IGFBP7: variants seen among roughly 807,000 people sequenced by gnomAD.
The protein encoded by IGFBP7 is insulin-like growth factor-binding protein 7.
A neutral mutation model predicts 29.4 loss-of-function variants in IGFBP7; 31 were observed. That is an observed-to-expected ratio of 1.05 (90% CI 0.79 to 1.42). IGFBP7 has a LOEUF of 1.42. Among genes scored for constraint, IGFBP7 ranks in the 40% most tolerant of loss-of-function variants. IGFBP7 has a pLI of 0.00. For synonymous variants in IGFBP7, 172 were observed against 174.9 expected (o/e 0.98, Z 0.13); for missense variants, 393 against 395.5 (o/e 0.99, Z 0.05).
At position 57,109,869 on chromosome 4, in the gene IGFBP7, G is replaced by C; in HGVS notation, c.475+8C>G. On this transcript the variant is annotated splice_region_variant and intron_variant, in intron 1 of 4. Coordinates refer to ENST00000295666, the MANE Select transcript of IGFBP7 (RefSeq NM_001553.3). ...CGCAGGGTTGGAGAGGGAAGCGCTC[G>C]TGCCCACCTTGCTCGCAGGTGCCCT... 6.5e-7 allele frequency: 1 copy of C among 1,538,188 alleles called. No homozygotes were observed. The highest frequency in any genetic ancestry group is 8.7e-7 in the Non-Finnish European group (1 of 1,148,102).
chr4:57,032,450 AGG>A lies in IGFBP7; in HGVS notation c.803_804del (p.Ala268ValfsTer3). ...SASAKITVVD[A>X]LHEIPVKKGE... The stretch of plus-strand genomic sequence containing the variant: ...CCTTTTTTCACTGGTATTTCATGTA[AGG>A]CATCAACCACTGTAATTTTTGCTGA... On this transcript the variant is annotated frameshift_variant, in exon 4 of 5. Transcript: ENST00000295666. LOFTEE classifies it high-confidence loss of function. 1 of 1,613,692 alleles carries A rather than the reference AGG, an allele frequency of 6.2e-7. No individual in the cohort carries two copies. The highest frequency in any genetic ancestry group is 8.5e-7 in the Non-Finnish European group (1 of 1,179,594).
In IGFBP7 at chr4:57,030,970, G is replaced by A. The variant is rs546899344; in HGVS notation, c.*347C>T. On this transcript the variant is annotated 3_prime_UTR_variant, in exon 5 of 5. Transcript: ENST00000295666. The stretch of plus-strand genomic sequence containing the variant: ...AACTTATGTCTATGAGTATTGCACC[G>A]CGAATGATGAGTGTTTAGCTATTTT... The A allele has an allele frequency of 1.8e-5, 29 of 1,588,066 alleles. No individual in the cohort carries two copies. The highest frequency in any genetic ancestry group is 5.4e-5 in the African/African-American group (4 of 74,566).
intron 1 of IGFBP7, among the ~76,000 whole-genome samples, chr4:57,062,168 T>C (rs1371200933): frequency 6.6e-6 from 1 of 152,164 alleles, no homozygotes; most frequent in African/African-American, 2.4e-5. Flanking sequence ...GCTACCGTGA[T>C]ACCTGTCTAC....
chr4:57,046,633 C>A (rs1306002529), intron 1 of IGFBP7, among the ~76,000 whole-genome samples: 1 of 152,064 alleles, frequency 6.6e-6, no homozygotes, highest in Admixed American at 6.6e-5. Context: ...AGGATAGGTC[C>A]AATTATTTAT....
chr4:57,058,578 A>G (rs777030066), intron 1 of IGFBP7, among the ~76,000 whole-genome samples: 5 of 152,224 alleles, frequency 3.3e-5, no homozygotes, highest in African/African-American at 4.8e-5. Flanking sequence ...CCTTCCTTAC[A>G]CCATATGAAA....
chr4:57,079,776 C>G (rs1725318884), intron 1 of IGFBP7, among the ~76,000 whole-genome samples: 1 of 152,172 alleles, frequency 6.6e-6, no homozygotes, highest in Non-Finnish European at 1.5e-5. Context: ...TGCTATTTGT[C>G]TCATTAATAA....
intron 1 of IGFBP7, among the ~76,000 whole-genome samples, chr4:57,080,282 T>C (rs1725334540): frequency 6.6e-6 from 1 of 152,150 alleles, no homozygotes; most frequent in Non-Finnish European, 1.5e-5. Flanking sequence ...TGGGAATACT[T>C]AGGACTTTAA....
chr4:57,054,582 T>C (rs1724596476), intron 1 of IGFBP7, among the ~76,000 whole-genome samples: 1 of 140,680 alleles, frequency 7.1e-6, no homozygotes, highest in Non-Finnish European at 1.5e-5. Flanking sequence ...GAGGTTGCAG[T>C]GCACCAAGAT....
In IGFBP7 at chr4:57,064,639, A is replaced by G. The variant is rs138181053; in HGVS notation, c.476-23706T>C. 4.1e-3 allele frequency among the ~76,000 whole-genome samples: 627 copies of G among 152,272 alleles called. 3 individuals carry two copies. Among genetic ancestry groups the G allele is most frequent in the Middle Eastern group, 0.027 (8 of 294 alleles). ...AAAGTATAGAGATTCTCCTCTTGTG[A>G]TAAATAAATCCTTCCCTACTAATAT... On this transcript the variant is annotated intron_variant, in intron 1 of 4. Coordinates refer to ENST00000295666, the MANE Select transcript of IGFBP7 (RefSeq NM_001553.3).
intron 1 of IGFBP7, chr4:57,073,048 T>C (rs1275428216): frequency 4.4e-6 from 6 of 1,353,858 alleles, no homozygotes; most frequent in Non-Finnish European, 6.3e-6. Context: ...ACAGGCATGC[T>C]GCCAAGCTCT....
intron 1 of IGFBP7, among the ~76,000 whole-genome samples, chr4:57,066,415 C>T (rs1000178237): frequency 1.3e-5 from 2 of 152,158 alleles, no homozygotes; most frequent in Non-Finnish European, 2.9e-5. Flanking sequence ...TCAGGGGACA[C>T]TCCAGGCCAG....
chr4:57,109,875 A>C lies in IGFBP7; in HGVS notation c.475+2T>G. On this transcript the variant is annotated splice_donor_variant, in intron 1 of 4. Transcript: ENST00000295666. LOFTEE classifies it high-confidence loss of function. The stretch of plus-strand genomic sequence containing the variant: ...GTTGGAGAGGGAAGCGCTCGTGCCC[A>C]CCTTGCTCGCAGGTGCCCTTGCTGA... 1 of 1,540,952 alleles carries C rather than the reference A, an allele frequency of 6.5e-7. No individual in the cohort carries two copies.
intron 1 of IGFBP7, among the ~76,000 whole-genome samples, chr4:57,052,399 C>T (rs1724526875): frequency 6.6e-6 from 1 of 152,148 alleles, no homozygotes; most frequent in Admixed American, 6.5e-5. Flanking sequence ...TTTCAGGTAT[C>T]ACCTGGGCCA....
At chr4:57,105,244 G>A (rs921754115) in intron 1 of IGFBP7, among the ~76,000 whole-genome samples, 3 of 152,172 alleles carry the variant, frequency 2.0e-5, no homozygotes, top group African/African-American at 7.2e-5. Flanking sequence ...CTATTTCTCC[G>A]ATGTACACCC....
At chr4:57,032,266 G>A in intron 4 of IGFBP7, 160 bp downstream of exon 4, 1 of 1,428,344 alleles carries the variant, frequency 7.0e-7, no homozygotes, top group East Asian at 2.5e-5. Context: ...ATCTTTTGGA[G>A]TCTCATGCTG....
intron 1 of IGFBP7, among the ~76,000 whole-genome samples, chr4:57,106,750 G>A (rs1726043179): frequency 1.3e-5 from 2 of 152,122 alleles, no homozygotes; most frequent in South Asian, 4.1e-4. Flanking sequence ...AAAAGACTTT[G>A]AACAAAAGGT....
At chr4:57,086,443 T>C (rs1725500393) in intron 1 of IGFBP7, among the ~76,000 whole-genome samples, 1 of 152,174 alleles carries the variant, frequency 6.6e-6, no homozygotes, top group Non-Finnish European at 1.5e-5. Context: ...TAATGGACTT[T>C]CCAGTGAAAA....
At chr4:57,072,574 C>T (rs1026816014) in intron 1 of IGFBP7, 1 of 245,348 alleles carries the variant, frequency 4.1e-6, no homozygotes, top group African/African-American at 2.3e-5. Flanking sequence ...TCTTTAAGTT[C>T]CTATCTTTCT....
At chr4:57,071,743 T>C (rs1296622437) in intron 1 of IGFBP7, among the ~76,000 whole-genome samples, 2 of 152,196 alleles carry the variant, frequency 1.3e-5, no homozygotes, top group Non-Finnish European at 2.9e-5. Context: ...AGGTTTCATA[T>C]GGGCTGTCAA....
Sources: gnomAD v4.1 joint callset for allele counts (sites outside exome capture counted in the v4.1 genomes callset) on GRCh38, gnomAD v4.1.1 for gene constraint, MANE v1.5 for transcripts, NCBI Gene and HGNC (gene_info 2026-07-23, HGNC 2026-07-21) for gene names.